Variants in MAP4K5 observed in about 807,000 individuals in gnomAD.
MAP4K5 encodes the protein mitogen-activated protein kinase kinase kinase kinase 5.
Under a neutral mutation model 135.6 loss-of-function variants are expected in MAP4K5, and 82 were observed. That is an observed-to-expected ratio of 0.60 (90% CI 0.51 to 0.73). The LOEUF (loss-of-function observed/expected upper bound fraction) is 0.73, where lower values mean the gene tolerates loss of function less well. Among genes scored for constraint, MAP4K5 ranks in the 30% least tolerant of loss-of-function variants. The pLI is 0.00. For synonymous variants in MAP4K5, 347 were observed against 335.0 expected (o/e 1.04, Z -0.39); for missense variants, 907 against 1,010.9 (o/e 0.90, Z 1.39).
chr14:50,537,170 C>T (rs1188535370), upstream of MAP4K5, among the ~76,000 whole-genome samples: 1 of 152,210 alleles, frequency 6.6e-6, no homozygotes, highest in East Asian at 1.9e-4. Flanking sequence ...TGGTGCCCTG[C>T]TTTCCAGCTG....
chr14:50,478,906 C>T (rs753809410), intron 6 of MAP4K5, among the ~76,000 whole-genome samples: 9 of 151,842 alleles, frequency 5.9e-5, no homozygotes, highest in Non-Finnish European at 1.2e-4. Flanking sequence ...TATTCCTTGT[C>T]TTTGTTCTTT....
At chr14:50,473,501 T>C (rs1426693625) in intron 9 of MAP4K5, among the ~76,000 whole-genome samples, 1 of 152,180 alleles carries the variant, frequency 6.6e-6, no homozygotes, top group Non-Finnish European at 1.5e-5. Context: ...AACTTACATA[T>C]GAAAAATATT....
chr14:50,476,112 A>C lies in MAP4K5; in HGVS notation c.469+16T>G. 1 of 1,420,898 alleles carries C rather than the reference A, an allele frequency of 7.0e-7. No homozygotes were observed. Among genetic ancestry groups the C allele is most frequent in the South Asian group, 1.5e-5 (1 of 64,906 alleles). The allele number at this position is 1,420,898 out of a possible 1,614,324, so 88.0% of individuals were successfully genotyped here. A position where few individuals can be genotyped will look rare whatever the true frequency, so the allele number is the denominator to read the frequency against. On this transcript the variant is annotated intron_variant, in intron 8 of 32. Coordinates refer to ENST00000682126, the MANE Select transcript of MAP4K5 (RefSeq NM_006575.6). ...TAAATTTTTGGAAAAAATTTTAGGA[A>C]TTTGAAATAACATACCTAATTTTAC...
intron 12 of MAP4K5, among the ~76,000 whole-genome samples, chr14:50,463,007 T>C (rs1465356993): frequency 6.6e-6 from 1 of 152,220 alleles, no homozygotes; most frequent in Admixed American, 6.5e-5. Context: ...AATTTCTTTT[T>C]GTGAAGTTAT....
intron 21 of MAP4K5, among the ~76,000 whole-genome samples, chr14:50,441,354 T>C (rs1322074144): frequency 6.6e-6 from 1 of 152,108 alleles, no homozygotes; most frequent in East Asian, 1.9e-4. Flanking sequence ...TCACTAGTAT[T>C]TGGACAAGCT....
intron 28 of MAP4K5, 87 bp from the exon 29 acceptor site, chr14:50,429,347 T>A: frequency 2.7e-6 from 2 of 741,810 alleles, no homozygotes; most frequent in South Asian, 3.6e-5. Context: ...TTGCTGTGAC[T>A]TAAAATTGAT....
intron 30 of MAP4K5, among the ~76,000 whole-genome samples, chr14:50,427,517 T>G (rs1248568177): frequency 6.6e-6 from 1 of 152,118 alleles, no homozygotes; most frequent in Admixed American, 6.5e-5. Flanking sequence ...TTCTTAAAAA[T>G]AAAAAACTAA....
chr14:50,531,766 T>A (rs1471213474), intron 2 of MAP4K5, among the ~76,000 whole-genome samples, 176 bp downstream of exon 2: 3 of 152,166 alleles, frequency 2.0e-5, no homozygotes, highest in African/African-American at 7.2e-5. Context: ...TGGTAGCGAT[T>A]AGAACAAGCC....
At chr14:50,471,957 T>C (rs893610693) in intron 9 of MAP4K5, 1 of 152,428 alleles carries the variant, frequency 6.6e-6, no homozygotes, top group Non-Finnish European at 1.5e-5. Flanking sequence ...TTAGAAGACA[T>C]GAAAGCTCAT....
chr14:50,489,759 T>C (rs186888171), intron 3 of MAP4K5, among the ~76,000 whole-genome samples: 1 of 152,278 alleles, frequency 6.6e-6, no homozygotes, highest in African/African-American at 2.4e-5. Context: ...TAATCACATT[T>C]GATCTCTTGA....
intron 29 of MAP4K5, 144 bp from the exon 30 acceptor site, chr14:50,428,898 C>CA: frequency 1.6e-6 from 1 of 619,122 alleles, no homozygotes; most frequent in Non-Finnish European, 2.8e-6. Flanking sequence ...TGCCAAATGG[C>CA]AAAAAATACT....
intron 28 of MAP4K5, among the ~76,000 whole-genome samples, chr14:50,433,818 C>T (rs897178085): frequency 1.3e-5 from 2 of 152,156 alleles, no homozygotes; most frequent in African/African-American, 4.8e-5. Context: ...AAAATGGAGG[C>T]CCCACCTCAC....
At chr14:50,482,909 A>G (rs1357951707) in intron 5 of MAP4K5, 1 of 152,932 alleles carries the variant, frequency 6.5e-6, no homozygotes, top group African/African-American at 2.4e-5. Context: ...ATCAAAAACA[A>G]AAGGTAACAC....
upstream of MAP4K5, among the ~76,000 whole-genome samples, chr14:50,537,512 A>C (rs2038509799): frequency 6.6e-6 from 1 of 152,164 alleles, no homozygotes; most frequent in Non-Finnish European, 1.5e-5. Flanking sequence ...CCTCCAGATC[A>C]CAGAATGGTG....
intron 3 of MAP4K5, among the ~76,000 whole-genome samples, chr14:50,494,473 A>G (rs1204173570): frequency 6.6e-6 from 1 of 152,102 alleles, no homozygotes; most frequent in Non-Finnish European, 1.5e-5. Context: ...ACCCAACTTA[A>G]TATTACTAAG....
chr14:50,472,205 AC>A (rs1405539806), intron 9 of MAP4K5: 11 of 152,186 alleles, frequency 7.2e-5, no homozygotes, highest in African/African-American at 2.4e-4. Context: ...CGTTTCAATT[AC>A]CTTGAAACAC....
In MAP4K5 at chr14:50,490,159, G is replaced by GTGTGTGTGTGTGTGTGTGTGTGTA. The variant is rs71441284; in HGVS notation, c.167-3966_167-3965insTACACACACACACACACACACACA. Among the ~76,000 whole-genome samples the GTGTGTGTGTGTGTGTGTGTGTGTA allele has an allele frequency of 1.3e-3, 179 of 138,008 alleles. 1 individual carries two copies. The highest frequency in any genetic ancestry group is 3.3e-3 in the East Asian group (15 of 4,534). 90.5% of individuals were successfully genotyped at this position (138,008 alleles called of 152,430 possible). A position where few individuals can be genotyped will look rare whatever the true frequency, so the allele number is the denominator to read the frequency against. On this transcript the variant is annotated intron_variant, in intron 3 of 32. Coordinates refer to ENST00000682126, the MANE Select transcript of MAP4K5 (RefSeq NM_006575.6). ...TGTGTGTGTGTGTGTGTGTGTGTGT[G>GTGTGTGTGTGTGTGTGTGTGTGTA]TAAGGGAACTCAGCCTGATACTCTT... is the stretch of plus-strand genomic sequence containing the variant.
intron 6 of MAP4K5, among the ~76,000 whole-genome samples, chr14:50,481,310 A>G (rs998205196): frequency 6.7e-6 from 1 of 150,076 alleles, no homozygotes; most frequent in Non-Finnish European, 1.5e-5. Flanking sequence ...ATATATAAAT[A>G]TATATATGTT....
intron 2 of MAP4K5, among the ~76,000 whole-genome samples, chr14:50,508,474 C>G (rs1165775708): frequency 1.3e-5 from 2 of 151,938 alleles, no homozygotes; most frequent in African/African-American, 4.8e-5. Flanking sequence ...GGACAGAAAA[C>G]CAAACACCAC....
Sources: allele counts gnomAD v4.1 joint callset (sites outside exome capture counted in the v4.1 genomes callset), GRCh38; gene constraint gnomAD v4.1.1; transcripts MANE v1.5; gene names NCBI Gene and HGNC (gene_info 2026-07-23, HGNC 2026-07-21).